SUSD4: variants seen among roughly 807,000 people sequenced by gnomAD.
SUSD4 encodes the protein sushi domain containing 4.
A neutral mutation model predicts 50.5 loss-of-function variants in SUSD4; 41 were observed. That is an observed-to-expected ratio of 0.81 (90% CI 0.63 to 1.05). The LOEUF (loss-of-function observed/expected upper bound fraction) is 1.05. Among genes scored for constraint, SUSD4 ranks in the 50% least tolerant of loss-of-function variants. The probability of loss-of-function intolerance (pLI) is 0.00; values close to 1 mark genes in which losing one functional copy is unlikely to be tolerated. For missense variants in SUSD4, 580 were observed against 634.7 expected, an observed-to-expected ratio of 0.91 and a Z score of 0.93; for synonymous variants, 257 against 257.3, an observed-to-expected ratio of 1.00 and a Z score of 0.01.
Position 223,324,076 on chromosome 1 carries a change from C to T in SUSD4, c.149-31425G>A, listed in dbSNP as rs115335457. The stretch of plus-strand genomic sequence containing the variant: ...TGTATTTCTTATCTTTACTTTTTGG[C>T]ACATCCGACTGACTGCAATGCATAA... On this transcript the variant is annotated intron_variant, in intron 2 of 8. Coordinates refer to ENST00000366878, the MANE Select transcript of SUSD4 (RefSeq NM_017982.4). Among the ~76,000 whole-genome samples, 145 of 150,656 alleles carry T rather than the reference C, an allele frequency of 9.6e-4. 2 individuals are homozygous for T. The highest frequency in any genetic ancestry group is 3.5e-3 in the African/African-American group (144 of 40,834).
chr1:223,342,255 A>G (rs1667800651), intron 2 of SUSD4, among the ~76,000 whole-genome samples: 1 of 152,138 alleles, frequency 6.6e-6, no homozygotes, highest in East Asian at 1.9e-4. Flanking sequence ...ATGAAACTGC[A>G]ATGTCCTCAG....
chr1:223,249,018 T>C (rs947126044), intron 5 of SUSD4, among the ~76,000 whole-genome samples: 1 of 152,150 alleles, frequency 6.6e-6, no homozygotes, highest in Admixed American at 6.5e-5. Context: ...CGTGTTTCTG[T>C]GTTCTGATGA....
At chr1:223,241,753 A>G (rs1284763156) in intron 5 of SUSD4, among the ~76,000 whole-genome samples, 1 of 152,186 alleles carries the variant, frequency 6.6e-6, no homozygotes, top group Non-Finnish European at 1.5e-5. Context: ...GCCTCAGCCA[A>G]TCTCTGACTT....
intron 5 of SUSD4, among the ~76,000 whole-genome samples, chr1:223,237,413 C>T (rs1259803959): frequency 6.6e-6 from 1 of 151,848 alleles, no homozygotes; most frequent in African/African-American, 2.4e-5. Flanking sequence ...GAAAGAACAT[C>T]CTTGCCTTGT....
At chr1:223,258,948 A>C (rs1007872230) in intron 5 of SUSD4, among the ~76,000 whole-genome samples, 4 of 151,318 alleles carry the variant, frequency 2.6e-5, no homozygotes, top group Non-Finnish European at 4.4e-5. Context: ...TTGCCTTAGA[A>C]CTCCTTCTAG....
chr1:223,273,641 G>A (rs1663067833), intron 3 of SUSD4, among the ~76,000 whole-genome samples: 1 of 152,256 alleles, frequency 6.6e-6, no homozygotes, highest in Non-Finnish European at 1.5e-5. Context: ...TCAACTTCTG[G>A]AGGGAGAGGG....
chr1:223,228,323 G>C (rs938982608), intron 6 of SUSD4, among the ~76,000 whole-genome samples: 1 of 152,188 alleles, frequency 6.6e-6, no homozygotes, highest in Non-Finnish European at 1.5e-5. Context: ...TCTCTGCCTT[G>C]TCATGACCAC....
intron 3 of SUSD4, among the ~76,000 whole-genome samples, chr1:223,288,207 C>T (rs1366925367): frequency 6.6e-6 from 1 of 152,156 alleles, no homozygotes; most frequent in African/African-American, 2.4e-5. Flanking sequence ...ATGCTGTTCT[C>T]GTGATAGTGA....
Position 223,332,382 on chromosome 1 carries a change from T to G in SUSD4, c.148+30896A>C, listed in dbSNP as rs1365740946. The stretch of plus-strand genomic sequence containing the variant: ...ACGGTACCTGAATTTCCAACAAGCA[T>G]CAAAAGGATTAAATTGCTTTGGTGA... On this transcript the variant is annotated intron_variant, in intron 2 of 8. Transcript: ENST00000366878. This position sits in a 1 kb window ranked among gnomAD's most constrained non-coding sequence, Gnocchi z 4.0. Among the ~76,000 whole-genome samples, 1 of 152,170 alleles carries G rather than the reference T, an allele frequency of 6.6e-6. No homozygotes were observed. The highest frequency in any genetic ancestry group is 6.5e-5 in the Admixed American group (1 of 15,278).
At chr1:223,256,720 C>G (rs545903137) in intron 5 of SUSD4, among the ~76,000 whole-genome samples, 1 of 152,316 alleles carries the variant, frequency 6.6e-6, no homozygotes, top group African/African-American at 2.4e-5. Context: ...AGGAAGGAGC[C>G]TCTAAGATCA....
chr1:223,290,951 C>CAT lies in SUSD4; in HGVS notation c.361+1486_361+1487dup, dbSNP rs140636345. On this transcript the variant is annotated intron_variant, in intron 3 of 8. Coordinates refer to ENST00000366878, the MANE Select transcript of SUSD4 (RefSeq NM_017982.4). ...AGGTTTTGGCAGGGAAGTCTATATA[C>CAT]ATATATATATATATATGAACCAAGT... Among the ~76,000 whole-genome samples the CAT allele has an allele frequency of 3.5e-3, 526 of 149,158 alleles. 7 individuals carry two copies. Among genetic ancestry groups the CAT allele is most frequent in the South Asian group, 0.018 (83 of 4,720 alleles).
chr1:223,313,967 C>T (rs893493052), intron 2 of SUSD4, among the ~76,000 whole-genome samples: 1 of 152,138 alleles, frequency 6.6e-6, no homozygotes. Context: ...ACAAATAACA[C>T]CCCTTATTTA....
intron 3 of SUSD4, chr1:223,289,132 A>G: frequency 1.0e-6 from 1 of 985,458 alleles, no homozygotes; most frequent in Non-Finnish European, 1.2e-6. Flanking sequence ...CTAGGTCAGC[A>G]GCCCTGCGCC....
chr1:223,343,330 A>C (rs1212959816), intron 2 of SUSD4, among the ~76,000 whole-genome samples: 1 of 152,214 alleles, frequency 6.6e-6, no homozygotes, highest in Non-Finnish European at 1.5e-5. Context: ...TTCAAAGCTA[A>C]GTTGCTTTCC....
In SUSD4 at chr1:223,292,941, A is replaced by T. The variant is rs555617303; in HGVS notation, c.149-290T>A. Reference sequence around the variant, plus strand: ...AAGGATTTCACATGACAAGTGCCACAAAAGATGTACAAAATGCTGAAGAGA... The same window carrying T: ...AAGGATTTCACATGACAAGTGCCACTAAAGATGTACAAAATGCTGAAGAGA... On this transcript the variant is annotated intron_variant, in intron 2 of 8. Coordinates refer to ENST00000366878, the MANE Select transcript of SUSD4 (RefSeq NM_017982.4). Among the ~76,000 whole-genome samples the T allele has an allele frequency of 1.4e-4, 22 of 152,324 alleles. No individual in the cohort carries two copies. Among genetic ancestry groups the T allele is most frequent in the Admixed American group, 1.2e-3 (18 of 15,300 alleles).
intron 2 of SUSD4, among the ~76,000 whole-genome samples, chr1:223,329,156 T>C (rs1248787996): frequency 5.3e-5 from 8 of 152,110 alleles, no homozygotes; most frequent in Admixed American, 5.2e-4. Flanking sequence ...AATTCACAGC[T>C]TTATCAACGG....
chr1:223,267,592 G>A (rs1662581254), intron 4 of SUSD4, among the ~76,000 whole-genome samples: 1 of 152,090 alleles, frequency 6.6e-6, no homozygotes, highest in Admixed American at 6.6e-5. Context: ...GGCTGCTTTC[G>A]TCCTTCTTAT....
chr1:223,241,983 C>T (rs950516204), intron 5 of SUSD4, among the ~76,000 whole-genome samples: 5 of 152,154 alleles, frequency 3.3e-5, no homozygotes, highest in African/African-American at 1.2e-4. Context: ...GCTCTGTCAC[C>T]CAGGCTGGAA....
At chr1:223,341,556 C>T (rs972803322) in intron 2 of SUSD4, among the ~76,000 whole-genome samples, 1 of 152,050 alleles carries the variant, frequency 6.6e-6, no homozygotes, top group Non-Finnish European at 1.5e-5. Context: ...GCAGAACACC[C>T]GATGCAGAAA....
Sources: allele counts gnomAD v4.1 joint callset (sites outside exome capture counted in the v4.1 genomes callset), GRCh38; gene constraint gnomAD v4.1.1; non-coding constraint Gnocchi (gnomAD v3.1); transcripts MANE v1.5; gene names NCBI Gene and HGNC (gene_info 2026-07-23, HGNC 2026-07-21).